The following RBFOX3 variants were observed in gnomAD, a reference collection of about 807,000 sequenced individuals.
RBFOX3 encodes RNA binding protein fox-1 homolog 3.
A neutral mutation model predicts 48.7 loss-of-function variants in RBFOX3; 17 were observed. The ratio of observed to expected loss-of-function variants is 0.35; its 90% CI spans 0.24 to 0.52. RBFOX3 has a LOEUF of 0.52. RBFOX3 is among the 20% of genes least tolerant of loss of function. The pLI is 0.94. For missense variants in RBFOX3, 382 were observed against 497.5 expected (o/e 0.77, Z 2.21); for synonymous variants, 212 against 209.5 (o/e 1.01, Z -0.10).
At chr17:79,131,521 TC>T (rs2038907107) in intron 4 of RBFOX3, among the ~76,000 whole-genome samples, 1 of 152,216 alleles carries the variant, frequency 6.6e-6, no homozygotes, top group African/African-American at 2.4e-5. Context: ...GCGTCGCCAC[TC>T]CGCTATCTGC....
chr17:79,276,544 G>A (rs1234489127), intron 3 of RBFOX3, among the ~76,000 whole-genome samples: 1 of 152,140 alleles, frequency 6.6e-6, no homozygotes, highest in Non-Finnish European at 1.5e-5. Flanking sequence ...AATCAGCTGG[G>A]TCTGGTGGTG....
At chr17:79,366,715 T>C (rs555801595) in intron 2 of RBFOX3, among the ~76,000 whole-genome samples, 2 of 152,286 alleles carry the variant, frequency 1.3e-5, no homozygotes, top group South Asian at 4.1e-4. Context: ...GAGGCAATGT[T>C]TGAGGAGCTG....
intron 14 of RBFOX3, chr17:79,092,189 C>T: frequency 1.0e-6 from 1 of 985,516 alleles, no homozygotes; most frequent in Non-Finnish European, 1.2e-6. Context: ...TTGTTCTGTG[C>T]AGCCTGGGAG....
chr17:79,339,372 C>T (rs994881832), intron 2 of RBFOX3, among the ~76,000 whole-genome samples: 3 of 152,148 alleles, frequency 2.0e-5, no homozygotes, highest in African/African-American at 7.2e-5. Context: ...CTTAGTCGCG[C>T]TGAAGCTTGG....
At chr17:79,128,632 G>A (rs1295585421) in intron 4 of RBFOX3, among the ~76,000 whole-genome samples, 1 of 152,180 alleles carries the variant, frequency 6.6e-6, no homozygotes, top group African/African-American at 2.4e-5. Flanking sequence ...GAGAGCAGAG[G>A]CCCCTGACCA....
At chr17:79,157,205 C>T (rs1296608402) in intron 4 of RBFOX3, among the ~76,000 whole-genome samples, 1 of 152,172 alleles carries the variant, frequency 6.6e-6, no homozygotes, top group Non-Finnish European at 1.5e-5. Flanking sequence ...CGTCTCCCAC[C>T]CCAGGGGCCC....
At chr17:79,429,791 G>A (rs570653138) in intron 2 of RBFOX3, among the ~76,000 whole-genome samples, 18 of 152,242 alleles carry the variant, frequency 1.2e-4, no homozygotes, top group African/African-American at 3.1e-4. Flanking sequence ...TGCCAGCTGC[G>A]TTGGGCTCCA....
chr17:79,257,978 A>G (rs2065156982), intron 3 of RBFOX3, among the ~76,000 whole-genome samples: 1 of 152,110 alleles, frequency 6.6e-6, no homozygotes, highest in South Asian at 2.1e-4. Context: ...GGGGTCTCAA[A>G]TCCTTCTTCT....
chr17:79,152,982 G>A (rs1396036840), intron 4 of RBFOX3, among the ~76,000 whole-genome samples: 1 of 152,218 alleles, frequency 6.6e-6, no homozygotes, highest in Non-Finnish European at 1.5e-5. Context: ...GCTGCGGTCG[G>A]GTGGGCCCGC....
chr17:79,119,145 G>T (rs956651785), intron 4 of RBFOX3, among the ~76,000 whole-genome samples: 2 of 152,170 alleles, frequency 1.3e-5, no homozygotes. Flanking sequence ...GTTCTGCAGG[G>T]CTGAAGCCCA....
At chr17:79,494,312 G>T (rs909940190) in intron 1 of RBFOX3, among the ~76,000 whole-genome samples, 41 of 152,224 alleles carry the variant, frequency 2.7e-4, no homozygotes, top group Admixed American at 5.2e-4. Context: ...TGCAGTGTAA[G>T]GGGTGAGGCC....
At chr17:79,127,299 GAGTGGGT>G (rs1166141381) in intron 4 of RBFOX3, among the ~76,000 whole-genome samples, 2 of 152,216 alleles carry the variant, frequency 1.3e-5, no homozygotes, top group Non-Finnish European at 2.9e-5. Context: ...TTCAAGAGCA[GAGTGGGT>G]AGTTTCCACG....
intron 3 of RBFOX3, among the ~76,000 whole-genome samples, chr17:79,266,810 T>C (rs1451743176): frequency 6.6e-6 from 1 of 151,736 alleles, no homozygotes; most frequent in Non-Finnish European, 1.5e-5. Context: ...GGCCCCTAAG[T>C]GTGGTGGAGC....
Position 79,090,831 on chromosome 17 carries a change from T to C in RBFOX3, c.*52A>G. 6 of 1,499,770 alleles carry C rather than the reference T, an allele frequency of 4.0e-6. No homozygotes were observed. Among genetic ancestry groups the C allele is most frequent in the Non-Finnish European group, 5.3e-6 (6 of 1,124,854 alleles). 92.9% of individuals were successfully genotyped at this position (1,499,770 alleles called of 1,614,324 possible). A position where few individuals can be genotyped will look rare whatever the true frequency, so the allele number is the denominator to read the frequency against. ...TGTTTTTTTTGTTTTGTGATTTTTT[T>C]TGTTTTTTTGTTTTTGCCCTTCATG... On this transcript the variant is annotated 3_prime_UTR_variant, in exon 15 of 15. Transcript: ENST00000693108.
At chr17:79,550,938 T>C (rs976219642) in intron 1 of RBFOX3, among the ~76,000 whole-genome samples, 1,669 of 152,340 alleles carry the variant, frequency 0.011, 20 homozygotes, top group African/African-American at 0.038. Flanking sequence ...ATCAGTGCCA[T>C]CCAATAGAAC....
chr17:79,304,616 C>T (rs560561078), intron 3 of RBFOX3, among the ~76,000 whole-genome samples: 1 of 151,976 alleles, frequency 6.6e-6, no homozygotes, highest in Non-Finnish European at 1.5e-5. Flanking sequence ...GTATTTTCCA[C>T]AAAAACATCT....
At chr17:79,147,161 G>C (rs114567331) in intron 4 of RBFOX3, among the ~76,000 whole-genome samples, 1 of 152,270 alleles carries the variant, frequency 6.6e-6, no homozygotes, top group South Asian at 2.1e-4. Flanking sequence ...TTGCCCTCCC[G>C]TCCGTGTCGT....
intron 8 of RBFOX3, among the ~76,000 whole-genome samples, chr17:79,101,846 C>A (rs1257558835): frequency 6.6e-6 from 1 of 152,212 alleles, no homozygotes; most frequent in African/African-American, 2.4e-5. Flanking sequence ...CCCAGGACCC[C>A]AGACCCAGGC....
chr17:79,637,647 A>G, the RBFOX3 span, among the ~76,000 whole-genome samples: 4,191 of 150,038 alleles, frequency 0.028, 163 homozygotes, highest in African/African-American at 0.081. Flanking sequence ...GTGAGCCGAG[A>G]TCACACCATT....
Sources: gnomAD v4.1 joint callset for allele counts (sites outside exome capture counted in the v4.1 genomes callset) on GRCh38, gnomAD v4.1.1 for gene constraint, MANE v1.5 for transcripts, NCBI Gene and HGNC (gene_info 2026-07-23, HGNC 2026-07-21) for gene names.